The following PTPRD variants were observed in gnomAD, a reference collection of about 807,000 sequenced individuals.
PTPRD encodes the protein protein tyrosine phosphatase receptor type D, also known as receptor-type tyrosine-protein phosphatase delta.
In PTPRD, 34 loss-of-function variants were observed where a neutral mutation model predicts 214.5. The observed-to-expected ratio is 0.16, with a 90% CI of 0.12 to 0.21. The LOEUF is 0.21. Among genes scored for constraint, PTPRD ranks in the 10% least tolerant of loss-of-function variants. The pLI is 1.00. For synonymous variants in PTPRD, 1,128 were observed against 845.7 expected (o/e 1.33, Z -5.79); for missense variants, 2,545 against 2,398.7 (o/e 1.06, Z -1.27).
chr9:8,496,171 A>AACACACAC (rs566859758), intron 26 of PTPRD, among the ~76,000 whole-genome samples: 46 of 135,096 alleles, frequency 3.4e-4, no homozygotes, highest in African/African-American at 3.8e-4. Flanking sequence ...CCAACTCTCC[A>AACACACAC]ACACACACAC....
At chr9:9,563,728 C>A (rs1483358824) in intron 8 of PTPRD, among the ~76,000 whole-genome samples, 1 of 152,150 alleles carries the variant, frequency 6.6e-6, no homozygotes, top group African/African-American at 2.4e-5. Context: ...ATATCCCATG[C>A]ATCCAATATA....
intron 5 of PTPRD, among the ~76,000 whole-genome samples, chr9:9,825,772 G>A (rs536410896): frequency 6.6e-5 from 10 of 151,398 alleles, no homozygotes; most frequent in African/African-American, 2.2e-4. Context: ...CTTTCTTCAT[G>A]TATCTCCATT....
intron 3 of PTPRD, among the ~76,000 whole-genome samples, chr9:10,288,580 A>C (rs1225232912): frequency 6.6e-6 from 1 of 152,206 alleles, no homozygotes; most frequent in Non-Finnish European, 1.5e-5. Flanking sequence ...ACGCAAATGC[A>C]GGATCCTCTA....
At chr9:9,547,902 A>G (rs778765533) in intron 8 of PTPRD, among the ~76,000 whole-genome samples, 3 of 151,986 alleles carry the variant, frequency 2.0e-5, no homozygotes, top group Admixed American at 6.6e-5. Context: ...AAGAAGCTCA[A>G]GAAAAAAAGG....
At chr9:9,970,412 AC>A (rs1265773186) in intron 4 of PTPRD, among the ~76,000 whole-genome samples, 2,246 of 147,660 alleles carry the variant, frequency 0.015, 29 homozygotes, top group Non-Finnish European at 0.026. Flanking sequence ...AGCCTGGGCG[AC>A]AGCGAGACTC....
At chr9:9,037,467 T>C (rs2099625627) in intron 10 of PTPRD, among the ~76,000 whole-genome samples, 1 of 152,134 alleles carries the variant, frequency 6.6e-6, no homozygotes, top group African/African-American at 2.4e-5. Flanking sequence ...CTAAGCTTTA[T>C]AAATATAATG....
intron 14 of PTPRD, among the ~76,000 whole-genome samples, chr9:8,578,088 C>T (rs903542977): frequency 2.0e-5 from 3 of 152,146 alleles, no homozygotes; most frequent in African/African-American, 7.2e-5. Context: ...GCGCTTTATA[C>T]AGATACAGAT....
intron 12 of PTPRD, among the ~76,000 whole-genome samples, chr9:8,653,940 G>C (rs1421891147): frequency 6.6e-6 from 1 of 152,136 alleles, no homozygotes; most frequent in Non-Finnish European, 1.5e-5. Flanking sequence ...TACATAATCA[G>C]CACCTTCACT....
chr9:8,346,972 A>G (rs2132909551), intron 39 of PTPRD, among the ~76,000 whole-genome samples: 1 of 152,246 alleles, frequency 6.6e-6, no homozygotes, highest in Admixed American at 6.5e-5. Context: ...TGAAAAAGGC[A>G]TTAAATTTTG....
intron 5 of PTPRD, among the ~76,000 whole-genome samples, chr9:9,891,001 G>T (rs561886818): frequency 4.6e-5 from 7 of 152,172 alleles, no homozygotes; most frequent in African/African-American, 1.7e-4. Flanking sequence ...CATGCAAAAT[G>T]GAAATGCAAG....
At chr9:8,992,737 C>T (rs1199308983) in intron 11 of PTPRD, among the ~76,000 whole-genome samples, 1 of 152,090 alleles carries the variant, frequency 6.6e-6, no homozygotes, top group East Asian at 1.9e-4. Flanking sequence ...CAGTCCTTTG[C>T]TTAAATATTT....
chr9:9,432,182 T>C, intron 8 of PTPRD, among the ~76,000 whole-genome samples: 1 of 151,826 alleles, frequency 6.6e-6, no homozygotes, highest in Non-Finnish European at 1.5e-5. Flanking sequence ...ATAGAATTAG[T>C]TCTAAATCAA....
intron 14 of PTPRD, 85 bp downstream of exon 14, chr9:8,633,232 C>A (rs1564853347): frequency 3.4e-6 from 5 of 1,482,214 alleles, no homozygotes; most frequent in Non-Finnish European, 4.6e-6. Flanking sequence ...AGCACCATCA[C>A]AATGCTAGTC....
chr9:10,411,572 T>C (rs1416392125), intron 2 of PTPRD, among the ~76,000 whole-genome samples: 1 of 151,786 alleles, frequency 6.6e-6, no homozygotes, highest in African/African-American at 2.4e-5. Context: ...TGTTCCTAAA[T>C]TAACCCCTTG....
chr9:9,920,831 A>T (rs1188698845), intron 5 of PTPRD, among the ~76,000 whole-genome samples: 1 of 152,130 alleles, frequency 6.6e-6, no homozygotes, highest in Non-Finnish European at 1.5e-5. Flanking sequence ...GTGAATAGAA[A>T]TTTTGACCCA....
rs1251774908 is a variant in PTPRD at position 8,975,296 on chromosome 9, A to T, written c.-104+43401T>A. Among the ~76,000 whole-genome samples, 7 of 152,066 alleles carry T rather than the reference A, an allele frequency of 4.6e-5. No homozygotes were observed. The South Asian group carries it at 1.4e-3, about 31-fold the overall frequency. ...TATTGATTCCTAATGATAATTAAAC[A>T]ATCACTTTGTTTCAAGAACATTTCT... On this transcript the variant is annotated intron_variant, in intron 11 of 45. Transcript: ENST00000381196.
At chr9:9,902,775 A>T (rs986131468) in intron 5 of PTPRD, among the ~76,000 whole-genome samples, 1 of 152,174 alleles carries the variant, frequency 6.6e-6, no homozygotes, top group African/African-American at 2.4e-5. Flanking sequence ...TTGGAGATGT[A>T]AAGGTGAGCT....
At chr9:8,715,422 C>T (rs573497818) in intron 12 of PTPRD, among the ~76,000 whole-genome samples, 2 of 152,110 alleles carry the variant, frequency 1.3e-5, no homozygotes, top group East Asian at 1.9e-4. Context: ...CAGCATCCAG[C>T]GATATGCTGG....
intron 23 of PTPRD, among the ~76,000 whole-genome samples, chr9:8,502,576 G>T (rs1302849635): frequency 6.6e-6 from 1 of 151,996 alleles, no homozygotes; most frequent in African/African-American, 2.4e-5. Context: ...CATTTTTATT[G>T]ATTCTGACTA....
Sources: gnomAD v4.1 joint callset for allele counts (sites outside exome capture counted in the v4.1 genomes callset) on GRCh38, gnomAD v4.1.1 for gene constraint, MANE v1.5 for transcripts, NCBI Gene and HGNC (gene_info 2026-07-23, HGNC 2026-07-21) for gene names.